Variants in TAF1 observed in about 807,000 individuals in gnomAD.
The protein encoded by TAF1 is transcription initiation factor TFIID subunit 1.
In TAF1, 2 loss-of-function variants were observed where a neutral mutation model predicts 138.5. The ratio of observed to expected loss-of-function variants is 0.01; its 90% CI spans 0.01 to 0.05. TAF1 has a LOEUF of 0.05. TAF1 is among the 10% of genes least tolerant of loss of function. The pLI is 1.00. For synonymous variants in TAF1, 437 were observed against 503.2 expected, an observed-to-expected ratio of 0.87 and a Z score of 1.76; for missense variants, 709 against 1,478.0, an observed-to-expected ratio of 0.48 and a Z score of 8.53.
At chrX:71,530,216 G>C (rs1012659681) in exon 15 of TAF1, 3 of 118,303 alleles carry the variant, frequency 2.5e-5, no homozygotes, top group African/African-American at 9.8e-5. Context: ...AAGGTTTTAA[G>C]ATCAATTTTA....
In TAF1 at chrX:71,485,939, T is replaced by A. The variant is rs987907252; in HGVS notation, c.1366+25136T>A. On this transcript the variant is annotated intron_variant and NMD_transcript_variant, in intron 13 of 14. Coordinates refer to the TAF1 transcript ENST00000373775. The stretch of plus-strand genomic sequence containing the variant: ...TGCCAAATCCAAGGTCATTAATATT[T>A]CCCCCTACGTTTTTTCTTTTTATTT... 5.4e-5 allele frequency among the ~76,000 whole-genome samples: 6 copies of A among 110,526 alleles called. No individual in the cohort carries two copies. In the Admixed American group the frequency reaches 5.8e-4, roughly 11 times the overall value.
chrX:71,501,343 G>A (rs889437000), intron 13 of TAF1, among the ~76,000 whole-genome samples: 4 of 110,931 alleles, frequency 3.6e-5, no homozygotes, highest in East Asian at 2.8e-4. Context: ...TGCTGAGCCC[G>A]GGTGCCTAAA....
chrX:71,441,671 C>A, intron 32 of TAF1: 1 of 301,533 alleles, frequency 3.3e-6, no homozygotes, highest in South Asian at 3.0e-5. Context: ...TCCTATCTAG[C>A]TATAATTTTG....
chrX:71,371,926 C>T (rs967247925), intron 3 of TAF1, among the ~76,000 whole-genome samples: 2 of 111,891 alleles, frequency 1.8e-5, no homozygotes, highest in Non-Finnish European at 3.8e-5. Context: ...GGTAAATGCT[C>T]TGTAAATATT....
intron 13 of TAF1, among the ~76,000 whole-genome samples, chrX:71,489,831 AT>A (rs1180223945): frequency 8.9e-6 from 1 of 111,979 alleles, no homozygotes; most frequent in Non-Finnish European, 1.9e-5. Flanking sequence ...GCATCAGAGA[AT>A]TACAAAATAT....
At chrX:71,370,845 G>GAAAAAT (rs1408370850) in intron 3 of TAF1, among the ~76,000 whole-genome samples, 4 of 111,886 alleles carry the variant, frequency 3.6e-5, no homozygotes, top group African/African-American at 1.3e-4. Context: ...AGTAACCCAC[G>GAAAAAT]AAAAATAGAA....
intron 8 of TAF1, among the ~76,000 whole-genome samples, chrX:71,380,415 C>T (rs749831285): frequency 2.0e-4 from 22 of 110,657 alleles, no homozygotes; most frequent in Non-Finnish European, 3.4e-4. Flanking sequence ...ATGGGAAACT[C>T]GTTCATTTTA....
intron 1 of TAF1, among the ~76,000 whole-genome samples, chrX:71,366,723 G>A (rs2032529026): frequency 9.0e-6 from 1 of 111,483 alleles, no homozygotes; most frequent in Admixed American, 9.5e-5. Context: ...GGGGCGCAGG[G>A]AATAGTGGCT....
chrX:71,477,246 T>C (rs1439659734), intron 13 of TAF1, among the ~76,000 whole-genome samples: 1 of 111,307 alleles, frequency 9.0e-6, no homozygotes, highest in African/African-American at 3.3e-5. Flanking sequence ...GCCAAAATTT[T>C]AGATCTTTTA....
At chrX:71,367,910 A>G (rs920767951) in intron 2 of TAF1, 144 bp from the exon 3 acceptor site, 2 of 618,483 alleles carry the variant, frequency 3.2e-6, no homozygotes, top group Non-Finnish European at 5.2e-6. Flanking sequence ...GCCTGAGGTG[A>G]TCCGTCTGGC....
chrX:71,446,212 AGTT>A (rs754003393), intron 32 of TAF1, among the ~76,000 whole-genome samples: 6 of 111,343 alleles, frequency 5.4e-5, no homozygotes, highest in African/African-American at 2.0e-4. Context: ...TGCCCGGCCT[AGTT>A]GTTCACTATT....
chrX:71,497,213 G>A (rs1278201673), intron 13 of TAF1, among the ~76,000 whole-genome samples: 1 of 111,579 alleles, frequency 9.0e-6, no homozygotes, highest in Non-Finnish European at 1.9e-5. Context: ...GTCAGGATTA[G>A]CTAAGGGGAC....
intron 32 of TAF1, among the ~76,000 whole-genome samples, chrX:71,453,531 AAAC>A (rs1169526414): frequency 9.1e-6 from 1 of 109,778 alleles, no homozygotes; most frequent in East Asian, 2.9e-4. Flanking sequence ...CTCAAAATAA[AAAC>A]AACAGCCTGC....
intron 37 of TAF1, among the ~76,000 whole-genome samples, chrX:71,462,705 A>G (rs772437090): frequency 1.8e-5 from 2 of 112,260 alleles, no homozygotes; most frequent in South Asian, 3.7e-4. Flanking sequence ...TGGAAAGGCT[A>G]TGAGGAAAAA....
In TAF1 at chrX:71,508,086, C is replaced by CTCTCTCTCTCTCTATA. The variant is rs4040068; in HGVS notation, c.1367-20455_1367-20454insCTCTCTCTCTCTATAT. Among the ~76,000 whole-genome samples, 53 of 92,174 alleles carry CTCTCTCTCTCTCTATA rather than the reference C, an allele frequency of 5.7e-4. 1 individual carries two copies. The highest frequency in any genetic ancestry group is 2.1e-3 in the African/African-American group (50 of 23,326). 80.0% of individuals were successfully genotyped at this position (92,174 alleles called of 115,157 possible). ...GAATATTCTCTCTCTCTCTCTCTCT[C>CTCTCTCTCTCTCTATA]TATATATATATATATATATATATAT... is the stretch of plus-strand genomic sequence containing the variant. On this transcript the variant is annotated intron_variant and NMD_transcript_variant, in intron 13 of 14. Transcript: ENST00000373775.
chrX:71,432,548 T>C (rs2036939771), intron 32 of TAF1, among the ~76,000 whole-genome samples: 1 of 109,393 alleles, frequency 9.1e-6, no homozygotes, highest in African/African-American at 3.3e-5. Context: ...GTAATTTTTG[T>C]CAGTGCTCAT....
intron 32 of TAF1, among the ~76,000 whole-genome samples, chrX:71,452,523 C>G (rs905017272): frequency 1.8e-5 from 2 of 109,671 alleles, no homozygotes; most frequent in African/African-American, 3.3e-5. Context: ...AAGAAGCGCT[C>G]CTCACTTCCT....
intron 13 of TAF1, among the ~76,000 whole-genome samples, chrX:71,500,918 G>T (rs2039492380): frequency 9.1e-6 from 1 of 109,586 alleles, no homozygotes; most frequent in Non-Finnish European, 1.9e-5. Flanking sequence ...ACAAAAAATT[G>T]CCAGATGTGG....
downstream of TAF1, among the ~76,000 whole-genome samples, chrX:71,470,307 A>G (rs902088782): frequency 4.5e-5 from 5 of 111,585 alleles, no homozygotes; most frequent in African/African-American, 1.6e-4. Flanking sequence ...TGAGGGAACA[A>G]AGATGGAGAG....
Sources: gnomAD v4.1 joint callset for allele counts (sites outside exome capture counted in the v4.1 genomes callset) on GRCh38, gnomAD v4.1.1 for gene constraint, MANE v1.5 for transcripts, NCBI Gene and HGNC (gene_info 2026-07-23, HGNC 2026-07-21) for gene names.